BTAF1: variants seen among roughly 807,000 people sequenced by gnomAD.
BTAF1 encodes the protein TATA-binding protein-associated factor 172.
BTAF1 carries 38 observed loss-of-function variants against 227.1 expected under a neutral mutation model. The observed-to-expected ratio is 0.17, with a 90% CI of 0.13 to 0.22. The LOEUF is 0.22. Among genes scored for constraint, BTAF1 ranks in the 10% least tolerant of loss-of-function variants. The pLI is 1.00. For synonymous variants in BTAF1, 742 were observed against 751.9 expected, an observed-to-expected ratio of 0.99 and a Z score of 0.21; for missense variants, 1,598 against 2,204.0, an observed-to-expected ratio of 0.73 and a Z score of 5.51.
intron 15 of BTAF1, among the ~76,000 whole-genome samples, chr10:91,980,986 A>C (rs1206983197): frequency 1.3e-5 from 2 of 152,142 alleles, no homozygotes; most frequent in East Asian, 3.8e-4. Context: ...AGAATCATTA[A>C]AGGAGGAGCC....
chr10:91,956,475 G>T, intron 6 of BTAF1, 53 bp from the exon 7 acceptor site: 1 of 1,512,304 alleles, frequency 6.6e-7, no homozygotes, highest in Admixed American at 2.3e-5. Context: ...TTCATTCATT[G>T]TGGTTCACAT....
intron 20 of BTAF1, among the ~76,000 whole-genome samples, chr10:91,991,570 G>A (rs1440723263): frequency 6.6e-5 from 10 of 151,158 alleles, no homozygotes; most frequent in Non-Finnish European, 1.5e-4. Context: ...GGGCAACATG[G>A]TGAAACCCTA....
chr10:91,980,372 T>C, intron 14 of BTAF1, 82 bp from the exon 15 acceptor site: 2 of 1,016,410 alleles, frequency 2.0e-6, no homozygotes, highest in South Asian at 1.4e-5. Flanking sequence ...GTAGTACTTT[T>C]GTTATTTGAC....
chr10:91,928,405 A>G (rs1844016363), intron 1 of BTAF1, among the ~76,000 whole-genome samples: 2 of 152,210 alleles, frequency 1.3e-5, no homozygotes, highest in African/African-American at 4.8e-5. Context: ...CTGGAAAATG[A>G]TATGACTCTT....
chr10:92,019,956 A>G (rs1362605179), intron 34 of BTAF1, among the ~76,000 whole-genome samples: 1 of 150,402 alleles, frequency 6.6e-6, no homozygotes, highest in Non-Finnish European at 1.5e-5. Context: ...TCCTGGCCTC[A>G]AACGATCCTC....
chr10:91,947,069 C>T (rs768995780), intron 4 of BTAF1, among the ~76,000 whole-genome samples: 7 of 152,116 alleles, frequency 4.6e-5, no homozygotes, highest in Non-Finnish European at 7.4e-5. Flanking sequence ...TCTTGAACTC[C>T]TGACCTCAGG....
At chr10:91,945,450 C>T (rs1038695897) in intron 4 of BTAF1, among the ~76,000 whole-genome samples, 2 of 152,082 alleles carry the variant, frequency 1.3e-5, no homozygotes, top group Non-Finnish European at 2.9e-5. Context: ...ATCCCCATTT[C>T]CCCCTTTCCC....
chr10:92,030,972 G>A lies in BTAF1; in HGVS notation c.*2039G>A, dbSNP rs1457486432. On this transcript the variant is annotated 3_prime_UTR_variant, in exon 38 of 38. Coordinates refer to ENST00000265990, the MANE Select transcript of BTAF1 (RefSeq NM_003972.3). ...TGGAGAATTGAACTGAGTAATGAATGATATTAAAGAACTGCTGTCAATTTC... is the reference window on the plus strand; with the variant it reads ...TGGAGAATTGAACTGAGTAATGAATAATATTAAAGAACTGCTGTCAATTTC... Among the ~76,000 whole-genome samples, 1 of 152,136 alleles carries A rather than the reference G, an allele frequency of 6.6e-6. No homozygotes were observed. Among genetic ancestry groups the A allele is most frequent in the African/African-American group, 2.4e-5 (1 of 41,436 alleles).
chr10:92,013,323 C>T (rs1237493977), intron 30 of BTAF1, among the ~76,000 whole-genome samples: 1 of 152,146 alleles, frequency 6.6e-6, no homozygotes, highest in Non-Finnish European at 1.5e-5. Flanking sequence ...ATATTGGCCA[C>T]ATTCCTTAAA....
In BTAF1 at chr10:92,013,780, T is replaced by G; in HGVS notation, c.4425T>G (p.Ala1475=). ...AACCTATATTAGCAAGTAGGGATGC[T>G]CGAAGCTCCAGTCGAGAGCAAGAAG... ...YGKPILASRD[A]RSSSREQEAG... The change falls in exon 31 of 38, where the codon GCT becomes GCG. Residue 1475 remains alanine (A), a synonymous_variant. Coordinates refer to ENST00000265990, the MANE Select transcript of BTAF1 (RefSeq NM_003972.3). 1 of 1,614,034 alleles carries G rather than the reference T, an allele frequency of 6.2e-7. No individual in the cohort carries two copies. Among genetic ancestry groups the G allele is most frequent in the Non-Finnish European group, 8.5e-7 (1 of 1,180,018 alleles).
At chr10:91,945,435 G>A (rs565203804) in intron 4 of BTAF1, among the ~76,000 whole-genome samples, 2 of 152,086 alleles carry the variant, frequency 1.3e-5, no homozygotes, top group South Asian at 4.2e-4. Context: ...CCTATTAAAC[G>A]TCAAATCCCC....
Position 92,024,991 on chromosome 10 carries a change from T to C in BTAF1, c.5075+24T>C, listed in dbSNP as rs752070768. 4 of 1,575,446 alleles carry C rather than the reference T, an allele frequency of 2.5e-6. No individual in the cohort carries two copies. The South Asian group carries it at 4.5e-5, about 18-fold the overall frequency. On this transcript the variant is annotated intron_variant, in intron 35 of 37. Transcript: ENST00000265990. ...CGGTAAGTGGCTTCTAAGACTCTTA[T>C]TCATAAATAAATATATTATTACTTA...
chr10:92,012,949 G>A (rs1260578129), intron 30 of BTAF1, among the ~76,000 whole-genome samples: 3 of 152,044 alleles, frequency 2.0e-5, no homozygotes, highest in African/African-American at 4.8e-5. Flanking sequence ...TTGGTTTTTA[G>A]TTGTTTGCTT....
intron 4 of BTAF1, among the ~76,000 whole-genome samples, chr10:91,943,940 C>T (rs1168113934): frequency 6.6e-6 from 1 of 152,050 alleles, no homozygotes; most frequent in African/African-American, 2.4e-5. Context: ...CACCTGAGAT[C>T]GGGAGGTCGA....
intron 19 of BTAF1, among the ~76,000 whole-genome samples, chr10:91,987,842 C>G (rs1290810698): frequency 1.3e-5 from 2 of 152,206 alleles, no homozygotes; most frequent in Non-Finnish European, 2.9e-5. Flanking sequence ...TTATTCACTT[C>G]TGCTCATTCT....
Position 91,989,303 on chromosome 10 carries a change from T to C in BTAF1, c.2577T>C (p.Phe859=), listed in dbSNP as rs1488315122. The change falls in exon 20 of 38, where the codon TTT becomes TTC. Residue 859 remains phenylalanine, a synonymous_variant. Coordinates refer to ENST00000265990, the MANE Select transcript of BTAF1 (RefSeq NM_003972.3). ...WQVLQLRVHT[F]AACAVVSLQQ... is the part of the protein sequence containing the mutation. ...TGTTGCAGTTGAGAGTGCATACTTTTGCTGCCTGTGCAGTTGTGAGCTTGC... is the reference window on the plus strand; with the variant it reads ...TGTTGCAGTTGAGAGTGCATACTTTCGCTGCCTGTGCAGTTGTGAGCTTGC... The C allele has an allele frequency of 6.2e-7, 1 of 1,614,070 alleles. No individual in the cohort carries two copies. The highest frequency in any genetic ancestry group is 1.3e-5 in the African/African-American group (1 of 74,918).
rs1256500667 is a variant in BTAF1 at position 92,013,673 on chromosome 10, G to A, written c.4318G>A (p.Val1440Ile). The change falls in exon 31 of 38, where the codon GTT becomes ATT. Residue 1440 changes from valine to isoleucine, a missense_variant. Physicochemically the swap from Val to Ile is conservative, Grantham distance 29. Around this residue, in one of 10 missense-constraint regions of BTAF1, gnomAD observed 184 missense variants for 341.1 expected, o/e 0.54. Coordinates refer to ENST00000265990, the MANE Select transcript of BTAF1 (RefSeq NM_003972.3). Reference protein sequence around the residue: ...ILSGTPIQNNVLELWSLFDFL... With the variant: ...ILSGTPIQNNILELWSLFDFL... ...TTGGTGTTCCTGTTTACAGAACAAC[G>A]TTTTGGAGCTGTGGTCATTATTTGA... 12 of 1,613,972 alleles carry A rather than the reference G, an allele frequency of 7.4e-6. No individual in the cohort carries two copies. Among genetic ancestry groups the A allele is most frequent in the Non-Finnish European group, 8.5e-6 (10 of 1,179,986 alleles).
At chr10:91,987,006 C>T (rs1848438701) in intron 19 of BTAF1, among the ~76,000 whole-genome samples, 2 of 152,020 alleles carry the variant, frequency 1.3e-5, no homozygotes, top group African/African-American at 4.8e-5. Flanking sequence ...TAGTTCCTAC[C>T]CAGGTACTGT....
chr10:92,013,638 C>T, intron 30 of BTAF1, 29 bp from the exon 31 acceptor site: 1 of 1,613,712 alleles, frequency 6.2e-7, no homozygotes. Context: ...AATCCCAGTA[C>T]AAAAGATAAT....
Sources: gnomAD v4.1 joint callset for allele counts (sites outside exome capture counted in the v4.1 genomes callset) on GRCh38, gnomAD v4.1.1 for gene constraint, gnomAD v4.1.1 regional missense constraint, MANE v1.5 for transcripts, NCBI Gene and HGNC (gene_info 2026-07-23, HGNC 2026-07-21) for gene names.